The following ANXA4 variants were observed in gnomAD, a reference collection of about 807,000 sequenced individuals.
ANXA4 encodes the protein 35-beta calcimedin.
In ANXA4, 39 loss-of-function variants were observed where a neutral mutation model predicts 49.8. The observed-to-expected ratio is 0.78, with a 90% CI of 0.61 to 1.02. The LOEUF (loss-of-function observed/expected upper bound fraction) is 1.02. ANXA4 is among the 50% of genes least tolerant of loss of function. ANXA4 has a pLI of 0.00. For missense variants in ANXA4, 360 were observed against 410.1 expected (o/e 0.88, Z 1.05); for synonymous variants, 134 against 152.5 (o/e 0.88, Z 0.89).
chr2:69,815,353 G>T (rs1267944505), intron 8 of ANXA4: 1 of 152,200 alleles, frequency 6.6e-6, no homozygotes, highest in Non-Finnish European at 1.5e-5. Flanking sequence ...GGGAATCAGA[G>T]AAAGAAGTGA....
chr2:69,660,108 T>G (rs1676657098), intron 2 of ANXA4, among the ~76,000 whole-genome samples: 2 of 152,146 alleles, frequency 1.3e-5, no homozygotes, highest in South Asian at 4.1e-4. Context: ...TGCACATATG[T>G]ATGTATGTAT....
At chr2:69,718,712 C>T (rs1669721239) in intron 2 of ANXA4, among the ~76,000 whole-genome samples, 1 of 151,760 alleles carries the variant, frequency 6.6e-6, no homozygotes, top group African/African-American at 2.4e-5. Context: ...CATGCGCACA[C>T]ATGCACACAC....
intron 1 of ANXA4, among the ~76,000 whole-genome samples, chr2:69,762,076 A>C (rs1671315807): frequency 6.6e-6 from 1 of 152,236 alleles, no homozygotes; most frequent in African/African-American, 2.4e-5. Flanking sequence ...TAATGGGGAA[A>C]TATTTCATAC....
At chr2:69,816,008 A>G in intron 8 of ANXA4, 93 bp from the exon 9 acceptor site, 1 of 977,194 alleles carries the variant, frequency 1.0e-6, no homozygotes, top group South Asian at 1.4e-5. Context: ...AATAAAACTA[A>G]GCCAGCTCAG....
At chr2:69,694,548 G>A (rs1401220608) in intron 2 of ANXA4, among the ~76,000 whole-genome samples, 7 of 95,860 alleles carry the variant, frequency 7.3e-5, no homozygotes, top group Non-Finnish European at 1.2e-4. Flanking sequence ...AACAGTCCCC[G>A]GTGTGTGATG....
chr2:69,783,752 T>TA (rs1305424865), intron 2 of ANXA4, among the ~76,000 whole-genome samples: 1 of 152,192 alleles, frequency 6.6e-6, no homozygotes. Flanking sequence ...CGTTTCATAT[T>TA]AACTCCCCTT....
chr2:69,751,771 G>T (rs957837419), intron 1 of ANXA4, among the ~76,000 whole-genome samples: 1 of 152,122 alleles, frequency 6.6e-6, no homozygotes, highest in Non-Finnish European at 1.5e-5. Flanking sequence ...TCAAGACTTA[G>T]GGCAGCATCT....
chr2:69,650,992 TAAA>T (rs752429184), intron 1 of ANXA4, among the ~76,000 whole-genome samples: 3 of 152,228 alleles, frequency 2.0e-5, no homozygotes, highest in Non-Finnish European at 4.4e-5. Flanking sequence ...GGAAATATGA[TAAA>T]GAAGATGGAC....
chr2:69,758,623 TA>T (rs886407659), intron 1 of ANXA4, among the ~76,000 whole-genome samples: 1 of 152,058 alleles, frequency 6.6e-6, no homozygotes, highest in Non-Finnish European at 1.5e-5. Context: ...CCCTGTTTCT[TA>T]AAAAAATAAA....
chr2:69,681,547 T>G (rs755529440), intron 2 of ANXA4, among the ~76,000 whole-genome samples: 1 of 152,068 alleles, frequency 6.6e-6, no homozygotes, highest in African/African-American at 2.4e-5. Flanking sequence ...GTATTTTTAG[T>G]AGAAATGGGG....
chr2:69,716,129 A>C (rs186810989), intron 2 of ANXA4, among the ~76,000 whole-genome samples: 1 of 152,286 alleles, frequency 6.6e-6, no homozygotes, highest in Admixed American at 6.5e-5. Flanking sequence ...GATGAGACCA[A>C]CTCATAATAA....
intron 3 of ANXA4, among the ~76,000 whole-genome samples, chr2:69,730,279 A>G (rs538839453): frequency 6.6e-6 from 1 of 152,308 alleles, no homozygotes; most frequent in Admixed American, 6.5e-5. Flanking sequence ...AGGTGGGTGG[A>G]TCACCTGAGG....
At chr2:69,740,856 T>G (rs1474242316), upstream of ANXA4, among the ~76,000 whole-genome samples, 1 of 19,016 alleles carries the variant, frequency 5.3e-5, no homozygotes, top group East Asian at 2.0e-3. Flanking sequence ...TATATATATG[T>G]TTTTTTTTTT....
At chr2:69,802,380 C>G (rs529420519) in intron 3 of ANXA4, among the ~76,000 whole-genome samples, 1 of 152,100 alleles carries the variant, frequency 6.6e-6, no homozygotes, top group Non-Finnish European at 1.5e-5. Flanking sequence ...TTTGCATGAC[C>G]GTGGACTTGA....
intron 2 of ANXA4, among the ~76,000 whole-genome samples, chr2:69,783,318 C>G (rs536479276): frequency 1.3e-5 from 2 of 152,042 alleles, no homozygotes; most frequent in Non-Finnish European, 2.9e-5. Context: ...TAGGTTTAAG[C>G]GGTTCCCCTG....
chr2:69,747,512 C>T (rs1219107235), intron 1 of ANXA4, among the ~76,000 whole-genome samples: 1 of 152,182 alleles, frequency 6.6e-6, no homozygotes, highest in East Asian at 1.9e-4. Context: ...TTCTTGGAGT[C>T]ACAGACCCTT....
At chr2:69,747,233 C>T (rs1456289309) in intron 1 of ANXA4, among the ~76,000 whole-genome samples, 2 of 152,092 alleles carry the variant, frequency 1.3e-5, no homozygotes, top group Admixed American at 6.5e-5. Flanking sequence ...AGAGAGGTAG[C>T]ATATTAAATC....
At chr2:69,697,791 A>G (rs554793316) in intron 2 of ANXA4, among the ~76,000 whole-genome samples, 2 of 152,224 alleles carry the variant, frequency 1.3e-5, no homozygotes, top group East Asian at 3.9e-4. Flanking sequence ...CTGTATGGGC[A>G]CAGTTTATGG....
chr2:69,789,420 C>G (rs1236260542), intron 3 of ANXA4, among the ~76,000 whole-genome samples: 5 of 152,002 alleles, frequency 3.3e-5, no homozygotes. Flanking sequence ...GTGACAGCAC[C>G]GACATGCAAT....
Sources: gnomAD v4.1 joint callset for allele counts (sites outside exome capture counted in the v4.1 genomes callset) on GRCh38, gnomAD v4.1.1 for gene constraint, MANE v1.5 for transcripts, NCBI Gene and HGNC (gene_info 2026-07-23, HGNC 2026-07-21) for gene names.